The following TRPM8 variants were observed in gnomAD, a reference collection of about 807,000 sequenced individuals.
TRPM8 encodes the protein transient receptor potential cation channel subfamily M member 8, also known as TRPM8 cationic channel.
A neutral mutation model predicts 133.7 loss-of-function variants in TRPM8; 110 were observed. That is an observed-to-expected ratio of 0.82 (90% confidence interval 0.70 to 0.96). The LOEUF (loss-of-function observed/expected upper bound fraction) is 0.96. Ranked by LOEUF, TRPM8 falls within the 40% of genes least tolerant of loss-of-function variation. The pLI, the probability that TRPM8 is intolerant of heterozygous loss-of-function variation, is 0.00. For missense variants in TRPM8, 1,291 were observed against 1,379.5 expected, an observed-to-expected ratio of 0.94 and a Z score of 1.02; for synonymous variants, 535 against 532.3, an observed-to-expected ratio of 1.01 and a Z score of -0.07.
rs1234107153 is a variant in TRPM8 at position 233,927,913 on chromosome 2, TCTC to T, written c.117+1260_117+1262del. ...TTCTTTCTTTCTTTCTTTCTTTCTC[TCTC>T]TCTCTCTTTCTCTCTCTCTCTCTCT... On this transcript the variant is annotated intron_variant, in intron 2 of 25. Transcript: ENST00000324695. 7.6e-3 allele frequency among the ~76,000 whole-genome samples: 412 copies of T among 54,424 alleles called. 40 individuals are homozygous for T. The highest frequency in any genetic ancestry group is 0.055 in the African/African-American group (303 of 5,536). 35.7% of individuals were successfully genotyped at this position (54,424 alleles called of 152,430 possible). A position where few individuals can be genotyped will look rare whatever the true frequency, so the allele number is the denominator to read the frequency against.
chr2:234,013,840 T>G (rs768389840), intron 24 of TRPM8: 2 of 152,168 alleles, frequency 1.3e-5, no homozygotes, highest in Non-Finnish European at 2.9e-5. Context: ...TTAGCACTTA[T>G]AGTTTCATTT....
chr2:233,944,888 A>G (rs1454567747), intron 6 of TRPM8, among the ~76,000 whole-genome samples: 1 of 152,228 alleles, frequency 6.6e-6, no homozygotes, highest in African/African-American at 2.4e-5. Context: ...TAACAAAACT[A>G]TGAGGTAAGT....
intron 17 of TRPM8, among the ~76,000 whole-genome samples, chr2:233,978,058 T>C (rs1170336702): frequency 6.6e-6 from 1 of 151,262 alleles, no homozygotes; most frequent in African/African-American, 2.4e-5. Flanking sequence ...GGAATCCTAC[T>C]GTGTTCATCA....
At chr2:234,002,096 A>AC (rs1386533447) in intron 22 of TRPM8, among the ~76,000 whole-genome samples, 1 of 151,804 alleles carries the variant, frequency 6.6e-6, no homozygotes, top group Non-Finnish European at 1.5e-5. Flanking sequence ...GGACATTTAA[A>AC]CCCTTGACTA....
At chr2:234,000,871 T>C (rs944011543) in intron 22 of TRPM8, among the ~76,000 whole-genome samples, 16 of 152,040 alleles carry the variant, frequency 1.1e-4, no homozygotes, top group African/African-American at 3.6e-4. Flanking sequence ...TAGGGACAGG[T>C]TTCGCCATGT....
chr2:233,972,289 G>A (rs1691744987), intron 17 of TRPM8, among the ~76,000 whole-genome samples: 1 of 152,234 alleles, frequency 6.6e-6, no homozygotes, highest in Non-Finnish European at 1.5e-5. Context: ...GGTGCTGATT[G>A]GTGTGTTTAC....
chr2:233,945,815 G>C, intron 6 of TRPM8, 41 bp from the exon 7 acceptor site: 1 of 1,561,140 alleles, frequency 6.4e-7, no homozygotes, highest in Non-Finnish European at 8.8e-7. Flanking sequence ...TATCTTGACT[G>C]ATAATACAAT....
chr2:233,993,576 TG>T (rs1430891936), intron 21 of TRPM8, among the ~76,000 whole-genome samples: 1 of 152,130 alleles, frequency 6.6e-6, no homozygotes, highest in Non-Finnish European at 1.5e-5. Context: ...CAAAAACAGG[TG>T]GGGGGCTTGG....
At chr2:233,986,972 T>C (rs1692161763) in intron 21 of TRPM8, among the ~76,000 whole-genome samples, 2 of 152,234 alleles carry the variant, frequency 1.3e-5, no homozygotes, top group South Asian at 4.1e-4. Flanking sequence ...GGTGTTGGGA[T>C]GATGCTGGGA....
intron 24 of TRPM8, among the ~76,000 whole-genome samples, chr2:234,009,691 T>G (rs1439313661): frequency 6.6e-6 from 1 of 152,160 alleles, no homozygotes. Context: ...TTTCCCCCTC[T>G]GTCCTCTTAC....
In TRPM8 at chr2:233,937,312, A is replaced by G. The variant is rs751832877; in HGVS notation, c.192-41A>G. 3.1e-6 allele frequency: 5 copies of G among 1,608,216 alleles called. No homozygotes were observed. The African/African-American group carries it at 4.0e-5, about 13-fold the overall frequency. On this transcript the variant is annotated intron_variant, in intron 3 of 25. Coordinates refer to ENST00000324695, the MANE Select transcript of TRPM8 (RefSeq NM_024080.5). ...ATACCAGTTTCCATAAGCAGGCTCA[A>G]TGAAATCCTTCCTTCCTGTCCACAC...
chr2:234,007,556 A>G (rs1418373381), intron 23 of TRPM8, among the ~76,000 whole-genome samples: 1 of 152,238 alleles, frequency 6.6e-6, no homozygotes, highest in Non-Finnish European at 1.5e-5. Context: ...TGTGAAGTCT[A>G]TAGAGCGTGC....
chr2:234,005,363 A>T (rs1692666820), intron 22 of TRPM8, among the ~76,000 whole-genome samples: 2 of 152,072 alleles, frequency 1.3e-5, no homozygotes, highest in Non-Finnish European at 2.9e-5. Context: ...ACTGTTACAG[A>T]GGTTGGTCAT....
At chr2:233,962,652 C>T (rs1049182427) in intron 12 of TRPM8, among the ~76,000 whole-genome samples, 2 of 152,134 alleles carry the variant, frequency 1.3e-5, no homozygotes, top group African/African-American at 4.8e-5. Context: ...AGCCTCTGTT[C>T]GACTATATTC....
At position 233,985,813 on chromosome 2, in the gene TRPM8, T is replaced by A; in HGVS notation, c.2887T>A (p.Tyr963Asn). ...EWITIPLVCIYMLSTNILLVN... is the reference protein window; with the variant it reads ...EWITIPLVCINMLSTNILLVN... ...GATCACCATCCCCCTGGTGTGCATCTACATGTTATCCACCAACATCCTGCT... is the reference window on the plus strand; with the variant it reads ...GATCACCATCCCCCTGGTGTGCATCAACATGTTATCCACCAACATCCTGCT... The change falls in exon 21 of 26, where the codon TAC becomes AAC. Residue 963 changes from tyrosine to asparagine, a missense_variant. Coordinates refer to ENST00000324695, the MANE Select transcript of TRPM8 (RefSeq NM_024080.5). The A allele has an allele frequency of 3.1e-6, 5 of 1,614,228 alleles. No homozygotes were observed. The South Asian group carries it at 5.5e-5, about 18-fold the overall frequency.
chr2:233,959,437 G>A (rs1385606574), intron 11 of TRPM8, among the ~76,000 whole-genome samples: 4 of 150,218 alleles, frequency 2.7e-5, no homozygotes, highest in African/African-American at 9.9e-5. Flanking sequence ...AGCGATTCTG[G>A]GATTAGAGGC....
At chr2:233,972,518 G>A (rs1184054527) in intron 17 of TRPM8, among the ~76,000 whole-genome samples, 1 of 152,236 alleles carries the variant, frequency 6.6e-6, no homozygotes, top group Non-Finnish European at 1.5e-5. Flanking sequence ...ATGGAGCAGG[G>A]GGTGGCGCTC....
intron 14 of TRPM8, 44 bp from the exon 15 acceptor site, chr2:233,966,566 T>C (rs201445609): frequency 3.1e-6 from 5 of 1,612,074 alleles, no homozygotes; most frequent in Non-Finnish European, 4.2e-6. Flanking sequence ...TTCGGTCATG[T>C]GCAGCTCTTA....
chr2:233,982,602 TA>T (rs971032696), intron 19 of TRPM8, among the ~76,000 whole-genome samples: 1 of 151,590 alleles, frequency 6.6e-6, no homozygotes, highest in African/African-American at 2.4e-5. Flanking sequence ...TGCACAAAAT[TA>T]AAAAAAAATT....
Sources: allele counts gnomAD v4.1 joint callset (sites outside exome capture counted in the v4.1 genomes callset), GRCh38; gene constraint gnomAD v4.1.1; transcripts MANE v1.5; gene names NCBI Gene and HGNC (gene_info 2026-07-23, HGNC 2026-07-21).